Variants in SH2D3C observed in about 807,000 individuals in gnomAD.
The protein encoded by SH2D3C is SH2 domain-containing protein 3C.
SH2D3C carries 25 observed loss-of-function variants against 75.2 expected under a neutral mutation model. The observed-to-expected ratio is 0.33, with a 90% CI of 0.24 to 0.46. The LOEUF (loss-of-function observed/expected upper bound fraction) is 0.46, where lower values mean the gene tolerates loss of function less well. Among genes scored for constraint, SH2D3C ranks in the 20% least tolerant of loss-of-function variants. The probability of loss-of-function intolerance (pLI) is 1.00; values close to 1 mark genes in which losing one functional copy is unlikely to be tolerated. For missense variants in SH2D3C, 933 were observed against 1,165.3 expected, an observed-to-expected ratio of 0.80 and a Z score of 2.90; for synonymous variants, 450 against 473.7, an observed-to-expected ratio of 0.95 and a Z score of 0.65.
intron 2 of SH2D3C, chr9:127,762,084 T>A: frequency 4.4e-6 from 1 of 229,794 alleles, no homozygotes; most frequent in Non-Finnish European, 6.9e-6. Context: ...CTCTAAACAC[T>A]GGAGGGCCCC....
At chr9:127,775,042 T>C (rs1188258208) in intron 1 of SH2D3C, among the ~76,000 whole-genome samples, 1 of 152,024 alleles carries the variant, frequency 6.6e-6, no homozygotes, top group African/African-American at 2.4e-5. Context: ...GAGCCGAGAC[T>C]GCACCATTGC....
chr9:127,770,173 C>T (rs1357391703), intron 2 of SH2D3C, among the ~76,000 whole-genome samples: 1 of 152,002 alleles, frequency 6.6e-6, no homozygotes, highest in Non-Finnish European at 1.5e-5. Flanking sequence ...GCTAAAGGTC[C>T]CTCCTCCCTC....
intron 2 of SH2D3C, among the ~76,000 whole-genome samples, chr9:127,762,694 G>A (rs955119516): frequency 6.6e-6 from 1 of 152,174 alleles, no homozygotes; most frequent in Non-Finnish European, 1.5e-5. Context: ...CTTCCCTCGG[G>A]CTCCGTGTCC....
chr9:127,746,002 G>T (rs540601841), intron 6 of SH2D3C, among the ~76,000 whole-genome samples: 1 of 152,136 alleles, frequency 6.6e-6, no homozygotes, highest in African/African-American at 2.4e-5. Context: ...TCATTCTACA[G>T]ATGAGAAAAG....
chr9:127,741,294 G>A (rs1844847817), intron 9 of SH2D3C, among the ~76,000 whole-genome samples: 1 of 148,264 alleles, frequency 6.7e-6, no homozygotes, highest in African/African-American at 2.5e-5. Flanking sequence ...AGGGTGGAGT[G>A]CAGTGGCGCA....
rs1343545749 is a variant in SH2D3C at position 127,755,012 on chromosome 9, G to T, written c.556-3712C>A. 3 of 761,564 alleles carry T rather than the reference G, an allele frequency of 3.9e-6. No homozygotes were observed. In the South Asian group the frequency reaches 1.6e-4, roughly 42 times the overall value. 47.2% of individuals were successfully genotyped at this position (761,564 alleles called of 1,614,324 possible). A position where few individuals can be genotyped will look rare whatever the true frequency, so the allele number is the denominator to read the frequency against. On this transcript the variant is annotated intron_variant, in intron 3 of 11. Transcript: ENST00000314830. The stretch of plus-strand genomic sequence containing the variant: ...GCTGCAGCTCCCCGGCTGGCTCTAG[G>T]GCCCCGGGCGGAGCGGCCGGGGGTC...
chr9:127,764,094 C>T (rs377071346), intron 2 of SH2D3C, among the ~76,000 whole-genome samples: 1 of 152,330 alleles, frequency 6.6e-6, no homozygotes, highest in East Asian at 1.9e-4. Flanking sequence ...ATCAACCCAG[C>T]GCTTCCTCCT....
intron 2 of SH2D3C, among the ~76,000 whole-genome samples, chr9:127,764,267 C>G (rs1445534477): frequency 6.6e-6 from 1 of 152,158 alleles, no homozygotes; most frequent in East Asian, 1.9e-4. Flanking sequence ...CTCTTTCACC[C>G]CATGGCCTCA....
chr9:127,765,604 T>C (rs1467737209), intron 2 of SH2D3C, among the ~76,000 whole-genome samples: 1 of 152,146 alleles, frequency 6.6e-6, no homozygotes, highest in African/African-American at 2.4e-5. Context: ...CTCCACCCCC[T>C]GCAGCCTCAG....
At chr9:127,765,163 C>T (rs1441192147) in intron 2 of SH2D3C, among the ~76,000 whole-genome samples, 1 of 152,126 alleles carries the variant, frequency 6.6e-6, no homozygotes, top group East Asian at 1.9e-4. Context: ...TGTGAGCGAC[C>T]TCACCCAACC....
At position 127,774,328 on chromosome 9, in the gene SH2D3C, C is replaced by T. The variant is rs533827308; in HGVS notation, c.177G>A (p.Thr59=). ...TFEATQDDMV[T]VPKSPPAYAR... ...CATAGGCTGGGGGACTCTTGGGCAC[C>T]GTCACCATGTCATCCTGCGTGGCTT... is the stretch of plus-strand genomic sequence containing the variant. Residue 59 remains threonine (T), a synonymous_variant, in exon 2 of 12, where the codon ACG becomes ACA. Transcript: ENST00000314830. The surrounding 1 kb of genome is among the most constrained non-coding windows in gnomAD (Gnocchi z 4.3). 22 of 1,613,934 alleles carry T rather than the reference C, an allele frequency of 1.4e-5. No homozygotes were observed. Among genetic ancestry groups the T allele is most frequent in the East Asian group, 1.3e-4 (6 of 44,884 alleles).
chr9:127,751,259 T>G lies in SH2D3C; in HGVS notation c.597A>C (p.Lys199Asn). 1 of 1,613,472 alleles carries G rather than the reference T, an allele frequency of 6.2e-7. No individual in the cohort carries two copies. The highest frequency in any genetic ancestry group is 8.5e-7 in the Non-Finnish European group (1 of 1,179,394). ...GCTCCTCCTCCAATTCCTTGTGGAG[T>G]TTCTCTGGCGATGAGTCCAGGATGT... Reference protein sequence around the residue: ...EKYILDSSPEKLHKELEEELK... With the variant: ...EKYILDSSPENLHKELEEELK... The change falls in exon 4 of 12, where the codon AAA (lysine) becomes AAC (asparagine). Residue 199 changes from lysine to asparagine, a missense_variant. Physicochemically the swap from Lys to Asn is moderately conservative, Grantham distance 94. Transcript: ENST00000314830. The surrounding 1 kb of genome is among the most constrained non-coding windows in gnomAD (Gnocchi z 4.1).
chr9:127,765,019 CT>C (rs956675983), intron 2 of SH2D3C, among the ~76,000 whole-genome samples: 7 of 151,464 alleles, frequency 4.6e-5, no homozygotes, highest in African/African-American at 9.7e-5. Flanking sequence ...CCCTTCAGTT[CT>C]TTTTTTTTGA....
chr9:127,774,051 G>C lies in SH2D3C; in HGVS notation c.454C>G (p.Pro152Ala). The C allele has an allele frequency of 6.2e-7, 1 of 1,614,152 alleles. No homozygotes were observed. Among genetic ancestry groups the C allele is most frequent in the Non-Finnish European group, 8.5e-7 (1 of 1,180,010 alleles). Residue 152 changes from proline (P) to alanine (A), a missense_variant, in exon 2 of 12, where the codon CCT becomes GCT. By Grantham distance (27) the Pro-to-Ala change is conservative. Transcript: ENST00000314830. The surrounding 1 kb of genome is among the most constrained non-coding windows in gnomAD (Gnocchi z 4.3). ...TCTACGTCTCCTGTGGGGACCTCAG[G>C]CTTTCTGATGGGGTCTACCTCCACT... is the stretch of plus-strand genomic sequence containing the variant. ...SAVEVDPIRK[P>A]EVPTGDVEEE...
intron 2 of SH2D3C, chr9:127,771,160 TC>T: frequency 6.6e-7 from 1 of 1,512,038 alleles, no homozygotes; most frequent in Non-Finnish European, 8.9e-7. Context: ...CCGCTGGCCC[TC>T]CCCAGGCCCA....
chr9:127,738,914 C>T lies in SH2D3C; in HGVS notation c.2415G>A (p.Gln805=). Residue 805 remains glutamine (Q), a synonymous_variant, in exon 12 of 12, where the codon CAG becomes CAA. Transcript: ENST00000314830. This position sits in a 1 kb window ranked among gnomAD's most constrained non-coding sequence, Gnocchi z 5.0. ...TNAEVKLQGF[Q]ARPELLEVFS... is the part of the protein sequence containing the mutation. The stretch of plus-strand genomic sequence containing the variant: ...ACACCTCCAGGAGCTCCGGCCGGGC[C>T]TGGAACCCTGCAGTGTTGGGGCATA... 6.3e-7 allele frequency: 1 copy of T among 1,577,948 alleles called. No individual in the cohort carries two copies. Among genetic ancestry groups the T allele is most frequent in the Non-Finnish European group, 8.6e-7 (1 of 1,161,048 alleles).
rs1845197839 is a variant in SH2D3C, at chr9:127,751,365, T to G, written c.556-65A>C. On this transcript the variant is annotated intron_variant, in intron 3 of 11. Transcript: ENST00000314830. This position sits in a 1 kb window ranked among gnomAD's most constrained non-coding sequence, Gnocchi z 4.1. ...TCTCCTTCTTCTTTCCCTCCCAACT[T>G]CATTCTACCATGGATGAACTCCTCC... The G allele has an allele frequency of 6.6e-7, 1 of 1,516,034 alleles. No homozygotes were observed. The highest frequency in any genetic ancestry group is 9.1e-7 in the Non-Finnish European group (1 of 1,099,148). 93.9% of individuals were successfully genotyped at this position (1,516,034 alleles called of 1,614,324 possible).
At position 127,738,976 on chromosome 9, in the gene SH2D3C, C is replaced by G; in HGVS notation, c.2408-55G>C. The G allele has an allele frequency of 6.9e-7, 1 of 1,441,208 alleles. No individual in the cohort carries two copies. The highest frequency in any genetic ancestry group is 9.2e-7 in the Non-Finnish European group (1 of 1,089,548). 89.3% of individuals were successfully genotyped at this position (1,441,208 alleles called of 1,614,324 possible). A position where few individuals can be genotyped will look rare whatever the true frequency, so the allele number is the denominator to read the frequency against. ...GAGGCTGGGGTTCCTGTCCAGAGCC[C>G]TAGCATTCTTCAGGACCCCCCTGTT... On this transcript the variant is annotated intron_variant, in intron 11 of 11. Coordinates refer to ENST00000314830, the MANE Select transcript of SH2D3C (RefSeq NM_170600.3). This position sits in a 1 kb window ranked among gnomAD's most constrained non-coding sequence, Gnocchi z 5.0.
At chr9:127,766,492 A>G (rs1214546866) in intron 2 of SH2D3C, among the ~76,000 whole-genome samples, 1 of 152,178 alleles carries the variant, frequency 6.6e-6, no homozygotes, top group Non-Finnish European at 1.5e-5. Flanking sequence ...TCCAGACTCC[A>G]CCCATGAAGA....
Sources: gnomAD v4.1 joint callset for allele counts (sites outside exome capture counted in the v4.1 genomes callset) on GRCh38, gnomAD v4.1.1 for gene constraint, Gnocchi (gnomAD v3.1) non-coding constraint, MANE v1.5 for transcripts, NCBI Gene and HGNC (gene_info 2026-07-23, HGNC 2026-07-21) for gene names.